The following CPQ variants were observed in gnomAD, a reference collection of about 807,000 sequenced individuals.
The protein encoded by CPQ is carboxypeptidase Q.
CPQ carries 37 observed loss-of-function variants against 45.7 expected under a neutral mutation model. The ratio of observed to expected loss-of-function variants is 0.81; its 90% CI spans 0.62 to 1.07. The LOEUF is 1.07. CPQ is among the 50% of genes least tolerant of loss of function. CPQ has a pLI of 0.00. For synonymous variants in CPQ, 186 were observed against 205.8 expected, an observed-to-expected ratio of 0.90 and a Z score of 0.82; for missense variants, 537 against 572.9, an observed-to-expected ratio of 0.94 and a Z score of 0.64.
At chr8:96,872,963 A>G (rs1354981356) in intron 3 of CPQ, among the ~76,000 whole-genome samples, 17 of 151,866 alleles carry the variant, frequency 1.1e-4, no homozygotes, top group Admixed American at 1.1e-3. Context: ...AAAAAAGCCA[A>G]AAGTCCTTCC....
chr8:97,110,935 G>A (rs532647841), intron 7 of CPQ, among the ~76,000 whole-genome samples: 43 of 152,244 alleles, frequency 2.8e-4, no homozygotes, highest in African/African-American at 9.1e-4. Context: ...GGGCTCCTGC[G>A]GCCATTTGTC....
chr8:96,722,892 A>G (rs1268866235), intron 1 of CPQ, among the ~76,000 whole-genome samples: 6 of 152,216 alleles, frequency 3.9e-5, no homozygotes, highest in African/African-American at 7.2e-5. Context: ...AGTGACACAT[A>G]GAGCTTCTTC....
intron 7 of CPQ, among the ~76,000 whole-genome samples, chr8:97,116,576 A>G (rs1238172026): frequency 6.6e-6 from 1 of 152,168 alleles, no homozygotes; most frequent in African/African-American, 2.4e-5. Context: ...TATGTTAGCA[A>G]TTGCTCCAGT....
chr8:97,137,760 T>C (rs1315063558), intron 7 of CPQ, among the ~76,000 whole-genome samples: 1 of 152,182 alleles, frequency 6.6e-6, no homozygotes, highest in African/African-American at 2.4e-5. Flanking sequence ...AAACTCCTTC[T>C]CTACTAAAAA....
intron 1 of CPQ, among the ~76,000 whole-genome samples, chr8:96,693,315 CAG>C (rs201957300): frequency 0.012 from 1,785 of 151,736 alleles, 47 homozygotes; most frequent in African/African-American, 0.039. Context: ...GAGATAATAA[CAG>C]AGAACTTTCC....
chr8:96,963,312 C>T (rs1250288987), intron 4 of CPQ, among the ~76,000 whole-genome samples: 1 of 152,190 alleles, frequency 6.6e-6, no homozygotes, highest in Non-Finnish European at 1.5e-5. Context: ...TGGGATTACA[C>T]CACTACTTTC....
chr8:96,907,882 T>G (rs1232662196), intron 4 of CPQ, among the ~76,000 whole-genome samples: 1 of 152,204 alleles, frequency 6.6e-6, no homozygotes, highest in Non-Finnish European at 1.5e-5. Flanking sequence ...CCAATATGAA[T>G]AGTCTTCTAG....
chr8:96,947,087 A>G (rs935723385), intron 4 of CPQ, among the ~76,000 whole-genome samples: 6 of 152,192 alleles, frequency 3.9e-5, no homozygotes, highest in African/African-American at 1.4e-4. Context: ...GCCAGCACAC[A>G]GTGGTTTGAT....
intron 1 of CPQ, among the ~76,000 whole-genome samples, chr8:96,707,015 T>C (rs1189872761): frequency 6.6e-6 from 1 of 152,118 alleles, no homozygotes; most frequent in Non-Finnish European, 1.5e-5. Flanking sequence ...GCCCAGAATT[T>C]ATTTGATTTA....
intron 1 of CPQ, among the ~76,000 whole-genome samples, chr8:96,779,058 A>T (rs1195366901): frequency 6.8e-6 from 1 of 147,646 alleles, no homozygotes; most frequent in Non-Finnish European, 1.5e-5. Context: ...GTAAAACTCC[A>T]TCTCCAAAAA....
rs368930555 is a variant in CPQ at position 96,823,972 on chromosome 8, G to A, written c.434-11001G>A. Among the ~76,000 whole-genome samples the A allele has an allele frequency of 5.3e-5, 8 of 152,166 alleles. No homozygotes were observed. In the South Asian group the frequency reaches 8.3e-4, roughly 16 times the overall value. ...AAAATATACATTTAAGGACCACTCA[G>A]CAACAATCATTCTATGTCTTCATAT... On this transcript the variant is annotated intron_variant, in intron 2 of 7. Coordinates refer to ENST00000220763, the MANE Select transcript of CPQ (RefSeq NM_016134.4).
At chr8:96,803,830 A>G (rs536258135) in intron 2 of CPQ, among the ~76,000 whole-genome samples, 2 of 152,298 alleles carry the variant, frequency 1.3e-5, no homozygotes, top group East Asian at 3.9e-4. Context: ...GAGCCTGATT[A>G]TGGCAAGGGC....
chr8:96,966,134 CTAT>C (rs1813555955), intron 5 of CPQ, 88 bp downstream of exon 5: 11 of 893,862 alleles, frequency 1.2e-5, no homozygotes, highest in Non-Finnish European at 1.7e-5. Flanking sequence ...AGATTAGTTA[CTAT>C]GGTATGTTCA....
chr8:96,877,034 G>C lies in CPQ; in HGVS notation c.642-2764G>C, dbSNP rs995470929. ...TAATCTTTAAATCTTATTTAGATTA[G>C]TTATGGCTTCCTTGGTAGTTTACCC... is the stretch of plus-strand genomic sequence containing the variant. On this transcript the variant is annotated intron_variant, in intron 3 of 7. Transcript: ENST00000220763. Among the ~76,000 whole-genome samples, 6 of 152,126 alleles carry C rather than the reference G, an allele frequency of 3.9e-5. No homozygotes were observed. The South Asian group carries it at 6.2e-4, about 16-fold the overall frequency.
At chr8:96,743,978 C>G (rs1258603543) in intron 1 of CPQ, among the ~76,000 whole-genome samples, 2 of 152,334 alleles carry the variant, frequency 1.3e-5, no homozygotes, top group East Asian at 1.9e-4. Context: ...GGCAGGCAGG[C>G]CTCCTTGAGC....
chr8:96,734,831 C>T (rs1417336214), intron 1 of CPQ, among the ~76,000 whole-genome samples: 5 of 152,170 alleles, frequency 3.3e-5, no homozygotes, highest in African/African-American at 1.2e-4. Context: ...TGGTGACCTA[C>T]AAGGTCTTTG....
At chr8:96,734,998 G>A (rs1159211298) in intron 1 of CPQ, among the ~76,000 whole-genome samples, 2 of 151,616 alleles carry the variant, frequency 1.3e-5, no homozygotes, top group Non-Finnish European at 2.9e-5. Context: ...CTCTCTCTCT[G>A]CCTGGCTAAC....
intron 1 of CPQ, among the ~76,000 whole-genome samples, chr8:96,717,014 C>A: frequency 9.5e-6 from 1 of 105,102 alleles, no homozygotes; most frequent in African/African-American, 3.8e-5. Flanking sequence ...GAGCAGTATT[C>A]CATGATATAA....
At chr8:96,894,695 T>C (rs1812421028) in intron 4 of CPQ, among the ~76,000 whole-genome samples, 1 of 152,228 alleles carries the variant, frequency 6.6e-6, no homozygotes, top group East Asian at 1.9e-4. Flanking sequence ...AAATATTTAC[T>C]TCAAAATTTT....
Sources: gnomAD v4.1 joint callset for allele counts (sites outside exome capture counted in the v4.1 genomes callset) on GRCh38, gnomAD v4.1.1 for gene constraint, MANE v1.5 for transcripts, NCBI Gene and HGNC (gene_info 2026-07-23, HGNC 2026-07-21) for gene names.